The following AGMO variants were observed in gnomAD, a reference collection of about 807,000 sequenced individuals.
AGMO encodes alkylglycerol monooxygenase, also known as glyceryl-ether monooxygenase.
AGMO carries 75 observed loss-of-function variants against 60.2 expected under a neutral mutation model. The observed-to-expected ratio is 1.25, with a 90% CI of 1.03 to 1.51. AGMO has a LOEUF of 1.51. Ranked by LOEUF, AGMO falls within the 40% of genes most tolerant of loss-of-function variation. The pLI is 0.00. For missense variants in AGMO, 763 were observed against 525.5 expected, an observed-to-expected ratio of 1.45 and a Z score of -4.42; for synonymous variants, 261 against 177.1, an observed-to-expected ratio of 1.47 and a Z score of -3.76.
chr7:15,275,208 C>CT (rs915782422), intron 12 of AGMO, among the ~76,000 whole-genome samples: 37 of 152,170 alleles, frequency 2.4e-4, no homozygotes, highest in African/African-American at 7.7e-4. Context: ...CCTCTTAGCA[C>CT]TACTTTTGCT....
the AGMO span, among the ~76,000 whole-genome samples, chr7:15,145,260 A>G: frequency 1.3e-5 from 2 of 152,216 alleles, no homozygotes; most frequent in Non-Finnish European, 2.9e-5. Flanking sequence ...TCCTACTAAT[A>G]GTATTTGAAA....
intron 12 of AGMO, among the ~76,000 whole-genome samples, chr7:15,334,623 T>C (rs1781595624): frequency 6.6e-6 from 1 of 152,184 alleles, no homozygotes; most frequent in South Asian, 2.1e-4. Context: ...TGTATTTTTA[T>C]TAGCTTTCTC....
chr7:15,286,384 C>A (rs116430900), intron 12 of AGMO, among the ~76,000 whole-genome samples: 3,374 of 151,680 alleles, frequency 0.022, 123 homozygotes, highest in African/African-American at 0.078. Flanking sequence ...GGAAAAAAAA[C>A]AAATAATCCC....
chr7:15,276,291 A>T (rs1007255112), intron 12 of AGMO, among the ~76,000 whole-genome samples: 15 of 151,964 alleles, frequency 9.9e-5, no homozygotes, highest in African/African-American at 3.6e-4. Flanking sequence ...TTTATGATGC[A>T]CAGTTTGGCA....
chr7:15,531,127 T>C (rs1333450837), intron 3 of AGMO, among the ~76,000 whole-genome samples: 1 of 81,244 alleles, frequency 1.2e-5, no homozygotes, highest in Admixed American at 2.1e-4. Context: ...CTATATATAT[T>C]CTGTATATAT....
intron 3 of AGMO, among the ~76,000 whole-genome samples, chr7:15,492,945 G>C (rs917004429): frequency 4.6e-5 from 7 of 151,906 alleles, no homozygotes; most frequent in African/African-American, 1.2e-4. Flanking sequence ...CATCACTTTC[G>C]TCTCTTATGA....
At chr7:15,375,204 G>C (rs1319472891) in intron 10 of AGMO, among the ~76,000 whole-genome samples, 1 of 151,958 alleles carries the variant, frequency 6.6e-6, no homozygotes, top group Admixed American at 6.6e-5. Flanking sequence ...GAGCCACTCT[G>C]AATAATCTGT....
intron 12 of AGMO, among the ~76,000 whole-genome samples, chr7:15,351,937 G>A (rs923910202): frequency 6.6e-6 from 1 of 152,152 alleles, no homozygotes; most frequent in African/African-American, 2.4e-5. Context: ...TATGAATTCG[G>A]TAATATTGAC....
At chr7:15,227,665 C>T (rs894092479) in intron 12 of AGMO, among the ~76,000 whole-genome samples, 6 of 152,022 alleles carry the variant, frequency 3.9e-5, no homozygotes, top group African/African-American at 1.2e-4. Context: ...GCATGTTTCA[C>T]GGTAACGCCT....
intron 2 of AGMO, among the ~76,000 whole-genome samples, chr7:15,550,998 C>G (rs1347580097): frequency 7.1e-6 from 1 of 141,416 alleles, no homozygotes. Context: ...CCCTGGGATG[C>G]AAGGCTGGTT....
At chr7:15,177,402 T>A in the AGMO span, among the ~76,000 whole-genome samples, 1 of 152,122 alleles carries the variant, frequency 6.6e-6, no homozygotes, top group African/African-American at 2.4e-5. Context: ...TTTCTGCCCA[T>A]CAACACTTCT....
At chr7:15,148,449 C>A in the AGMO span, among the ~76,000 whole-genome samples, 1 of 151,796 alleles carries the variant, frequency 6.6e-6, no homozygotes, top group Non-Finnish European at 1.5e-5. Flanking sequence ...AGCATGGTAC[C>A]CTGTACATAG....
intron 12 of AGMO, among the ~76,000 whole-genome samples, chr7:15,203,374 T>C (rs1464668166): frequency 6.6e-6 from 1 of 152,152 alleles, no homozygotes; most frequent in Non-Finnish European, 1.5e-5. Flanking sequence ...ACATCCTTTA[T>C]CCTCTAGGAC....
intron 12 of AGMO, among the ~76,000 whole-genome samples, chr7:15,268,660 G>T (rs114816773): frequency 0.019 from 2,890 of 151,964 alleles, 76 homozygotes; most frequent in African/African-American, 0.067. Context: ...GTGGTAAAGA[G>T]CTGGAAAATG....
At chr7:15,442,423 T>C (rs1781582296) in intron 3 of AGMO, among the ~76,000 whole-genome samples, 1 of 152,170 alleles carries the variant, frequency 6.6e-6, no homozygotes, top group African/African-American at 2.4e-5. Context: ...CTTTGACTTT[T>C]TGGCATTGAG....
chr7:15,255,933 T>C (rs2128507992), intron 12 of AGMO, among the ~76,000 whole-genome samples: 1 of 152,246 alleles, frequency 6.6e-6, no homozygotes, highest in Admixed American at 6.5e-5. Context: ...TGACTGATCA[T>C]GGGATTCAAT....
intron 3 of AGMO, among the ~76,000 whole-genome samples, chr7:15,520,976 G>T (rs1364407790): frequency 1.3e-5 from 2 of 151,930 alleles, no homozygotes; most frequent in African/African-American, 4.8e-5. Context: ...AAAGTGACAA[G>T]AATCAAACAG....
chr7:15,464,077 C>G (rs1023250169), intron 3 of AGMO, among the ~76,000 whole-genome samples: 38 of 152,152 alleles, frequency 2.5e-4, no homozygotes, highest in Non-Finnish European at 2.8e-4. Flanking sequence ...CTTACTCTTT[C>G]ACTAGCTTGC....
At chr7:15,303,455 A>G (rs1417802083) in intron 12 of AGMO, among the ~76,000 whole-genome samples, 1 of 151,836 alleles carries the variant, frequency 6.6e-6, no homozygotes, top group Non-Finnish European at 1.5e-5. Flanking sequence ...AAGAGAGAGA[A>G]GGGGTGGTGA....
Sources: gnomAD v4.1 joint callset for allele counts (sites outside exome capture counted in the v4.1 genomes callset) on GRCh38, gnomAD v4.1.1 for gene constraint, MANE v1.5 for transcripts, NCBI Gene and HGNC (gene_info 2026-07-23, HGNC 2026-07-21) for gene names.